Variants in TTC22 observed in about 807,000 individuals in gnomAD.
The protein encoded by TTC22 is tetratricopeptide repeat domain 22.
In TTC22, 42 loss-of-function variants were observed where a neutral mutation model predicts 48.2. That is an observed-to-expected ratio of 0.87 (90% CI 0.68 to 1.13). The LOEUF is 1.13. Among genes scored for constraint, TTC22 ranks in the 50% most tolerant of loss-of-function variants. TTC22 has a pLI of 0.00. For synonymous variants in TTC22, 345 were observed against 365.5 expected, an observed-to-expected ratio of 0.94 and a Z score of 0.64; for missense variants, 784 against 807.0, an observed-to-expected ratio of 0.97 and a Z score of 0.34.
chr1:54,792,459 G>A (rs1291619630), intron 1 of TTC22, among the ~76,000 whole-genome samples: 6 of 150,662 alleles, frequency 4.0e-5, no homozygotes, highest in Admixed American at 1.3e-4. Context: ...TTTTTTAGAC[G>A]GAGTTTCGCT....
At chr1:54,793,460 G>C (rs1345700051) in intron 1 of TTC22, among the ~76,000 whole-genome samples, 1 of 152,186 alleles carries the variant, frequency 6.6e-6, no homozygotes, top group Non-Finnish European at 1.5e-5. Flanking sequence ...TCTGACTTCA[G>C]TGCTCTTCCC....
Position 54,800,655 on chromosome 1 carries a change from G to A in TTC22, c.509C>T (p.Ala170Val), listed in dbSNP as rs765036882. ...CGCGATGCCTGCCGCCAGCCCCCGC[G>A]CACGCTCCTCTGGGCTGGCGCAGCC... is the stretch of plus-strand genomic sequence containing the variant. ...DVGCASPEER[A>V]RGLAAGIALY... The change falls in exon 1 of 7, where the codon GCG (alanine) becomes GTG (valine). Residue 170 changes from alanine (A) to valine (V), a missense_variant. By Grantham distance (64) the Ala-to-Val change is moderately conservative. Coordinates refer to ENST00000371276, the MANE Select transcript of TTC22 (RefSeq NM_001114108.2). 9.0e-6 allele frequency: 14 copies of A among 1,554,518 alleles called. No individual in the cohort carries two copies. The South Asian group carries it at 1.2e-4, about 13-fold the overall frequency.
chr1:54,795,853 C>T (rs542687337), intron 1 of TTC22, among the ~76,000 whole-genome samples: 2 of 152,332 alleles, frequency 1.3e-5, no homozygotes, highest in Admixed American at 1.3e-4. Flanking sequence ...CAAAGGTGAG[C>T]ACCCCAAGAC....
intron 1 of TTC22, among the ~76,000 whole-genome samples, chr1:54,798,484 A>G (rs2101474873): frequency 6.6e-6 from 1 of 152,358 alleles, no homozygotes; most frequent in Non-Finnish European, 1.5e-5. Context: ...TTTTTGGTTC[A>G]GAAAGTGTGA....
At chr1:54,794,078 T>C (rs913110885) in intron 1 of TTC22, among the ~76,000 whole-genome samples, 2 of 152,204 alleles carry the variant, frequency 1.3e-5, no homozygotes, top group African/African-American at 4.8e-5. Flanking sequence ...ACAGGCCCCC[T>C]ACTGCATGCT....
intron 1 of TTC22, among the ~76,000 whole-genome samples, chr1:54,799,072 G>A (rs998838298): frequency 1.3e-5 from 2 of 152,190 alleles, no homozygotes; most frequent in African/African-American, 4.8e-5. Context: ...GATAAATAGG[G>A]TCTCCAAATC....
chr1:54,800,031 CT>C (rs1646421210), intron 1 of TTC22, among the ~76,000 whole-genome samples: 1 of 152,202 alleles, frequency 6.6e-6, no homozygotes, highest in South Asian at 2.1e-4. Context: ...CTCTTAACCC[CT>C]ACCCTGCATG....
In TTC22 at chr1:54,787,806, T is replaced by TC; in HGVS notation, c.643dup (p.Glu215GlyfsTer5). The TC allele has an allele frequency of 6.2e-7, 1 of 1,611,040 alleles. No individual in the cohort carries two copies. The highest frequency in any genetic ancestry group is 8.5e-7 in the Non-Finnish European group (1 of 1,178,628). On this transcript the variant is annotated frameshift_variant, in exon 3 of 7. Coordinates refer to ENST00000371276, the MANE Select transcript of TTC22 (RefSeq NM_001114108.2). LOFTEE classifies it high-confidence loss of function. ...TCTCTTCTGCTCCTCACTGCCCAGC[T>TC]CCAGGAAGATGCCATCTAGCCTGTG... is the stretch of plus-strand genomic sequence containing the variant.
Position 54,801,311 on chromosome 1 carries a change from G to A in TTC22, c.-148C>T. 10 of 773,596 alleles carry A rather than the reference G, an allele frequency of 1.3e-5. No individual in the cohort carries two copies. In the South Asian group the frequency reaches 1.3e-4, roughly 10 times the overall value. The allele number at this position is 773,596 out of a possible 1,614,324, so 47.9% of individuals were successfully genotyped here. ...CGCTGCGGCCTCTCGGTCTCAGGGC[G>A]CCTCCCGCAGGTGGGTGGGCCCGAG... is the stretch of plus-strand genomic sequence containing the variant. On this transcript the variant is annotated 5_prime_UTR_variant, in exon 1 of 7. Coordinates refer to ENST00000371276, the MANE Select transcript of TTC22 (RefSeq NM_001114108.2).
At chr1:54,799,578 C>T (rs1317359608) in intron 1 of TTC22, among the ~76,000 whole-genome samples, 2 of 152,230 alleles carry the variant, frequency 1.3e-5, no homozygotes, top group Admixed American at 1.3e-4. Context: ...CTGCCATGAC[C>T]TGCTGTCATG....
chr1:54,798,803 C>G (rs558203502), intron 1 of TTC22, among the ~76,000 whole-genome samples: 1 of 152,198 alleles, frequency 6.6e-6, no homozygotes, highest in African/African-American at 2.4e-5. Flanking sequence ...CATTTTTACT[C>G]TCATCATTTG....
chr1:54,785,171 C>A, intron 5 of TTC22: 1 of 194,808 alleles, frequency 5.1e-6, no homozygotes, highest in South Asian at 7.7e-5. Flanking sequence ...TGAACCAAGG[C>A]TGTCTGTGTT....
intron 4 of TTC22, chr1:54,786,607 C>T (rs1018057228): frequency 4.5e-5 from 12 of 266,264 alleles, no homozygotes; most frequent in Non-Finnish European, 7.7e-5. Context: ...AGCCTATGGG[C>T]AGGGCTGGCA....
intron 5 of TTC22, chr1:54,784,501 C>A: frequency 1.0e-6 from 1 of 991,690 alleles, no homozygotes; most frequent in South Asian, 4.3e-5. Context: ...CATGTCCGGC[C>A]TCTCTCAGAG....
chr1:54,790,787 CTG>C (rs1296915157), intron 1 of TTC22, among the ~76,000 whole-genome samples: 3 of 148,944 alleles, frequency 2.0e-5, no homozygotes, highest in African/African-American at 7.3e-5. Flanking sequence ...GCTGCTGCTG[CTG>C]CTTCTTTCTT....
rs201012867 is a variant in TTC22 at position 54,786,078 on chromosome 1, C to T, written c.925G>A (p.Gly309Arg). Residue 309 changes from glycine (G) to arginine (R), a missense_variant, in exon 5 of 7, where the codon GGA becomes AGA. Coordinates refer to ENST00000371276, the MANE Select transcript of TTC22 (RefSeq NM_001114108.2). ...NRLAKIFYFL[G>R]KQDMAIGTCN... Reference sequence around the variant, plus strand: ...GTTCCAATGGCCATATCCTGCTTTCCCAGGAAGTAGAAGATTTTTGCCAGG... The same window carrying T: ...GTTCCAATGGCCATATCCTGCTTTCTCAGGAAGTAGAAGATTTTTGCCAGG... 1 of 1,614,052 alleles carries T rather than the reference C, an allele frequency of 6.2e-7. No homozygotes were observed. Among genetic ancestry groups the T allele is most frequent in the African/African-American group, 1.3e-5 (1 of 75,006 alleles).
intron 1 of TTC22, among the ~76,000 whole-genome samples, chr1:54,793,367 CT>C (rs1461284346): frequency 1.3e-5 from 2 of 152,178 alleles, no homozygotes; most frequent in East Asian, 3.8e-4. Context: ...CTTGCTATTA[CT>C]TTCCTCATAT....
Position 54,800,802 on chromosome 1 carries a change from G to A in TTC22, c.362C>T (p.Ala121Val). The A allele has an allele frequency of 6.3e-7, 1 of 1,579,598 alleles. No homozygotes were observed. Among genetic ancestry groups the A allele is most frequent in the Non-Finnish European group, 8.6e-7 (1 of 1,164,896 alleles). ...GAGGTCGGCCAGCCGTGCGGCGCAC[G>A]CCTCCTCCTCTTCTTCCTGGCCCAG... is the stretch of plus-strand genomic sequence containing the variant. ...GRLGQEEEEE[A>V]CAARLADLMG... Residue 121 changes from alanine (A) to valine (V), a missense_variant, in exon 1 of 7, where the codon GCG becomes GTG. Physicochemically the swap from Ala to Val is moderately conservative, Grantham distance 64. Coordinates refer to ENST00000371276, the MANE Select transcript of TTC22 (RefSeq NM_001114108.2).
chr1:54,795,280 A>G (rs1443899142), intron 1 of TTC22, among the ~76,000 whole-genome samples: 1 of 152,224 alleles, frequency 6.6e-6, no homozygotes, highest in Non-Finnish European at 1.5e-5. Flanking sequence ...TGGTATGCGC[A>G]CAGGTGGAGG....
Sources: allele counts gnomAD v4.1 joint callset (sites outside exome capture counted in the v4.1 genomes callset), GRCh38; gene constraint gnomAD v4.1.1; transcripts MANE v1.5; gene names NCBI Gene and HGNC (gene_info 2026-07-23, HGNC 2026-07-21).